Variants in KSR2 observed in about 807,000 individuals in gnomAD.
KSR2 encodes the protein kinase suppressor of ras 2.
A neutral mutation model predicts 107.8 loss-of-function variants in KSR2; 25 were observed. The observed-to-expected ratio is 0.23, with a 90% CI of 0.17 to 0.32. The LOEUF (loss-of-function observed/expected upper bound fraction) is 0.32. Among genes scored for constraint, KSR2 ranks in the 10% least tolerant of loss-of-function variants. The pLI is 1.00. For missense variants in KSR2, 887 were observed against 1,268.9 expected, an observed-to-expected ratio of 0.70 and a Z score of 4.57; for synonymous variants, 480 against 507.0, an observed-to-expected ratio of 0.95 and a Z score of 0.71.
intron 1 of KSR2, among the ~76,000 whole-genome samples, chr12:117,911,321 G>C (rs186203888): frequency 3.3e-5 from 5 of 152,182 alleles, no homozygotes; most frequent in Non-Finnish European, 5.9e-5. Context: ...TACTTAGTTT[G>C]GTTTGGCTTC....
intron 4 of KSR2, among the ~76,000 whole-genome samples, chr12:117,748,499 C>G (rs1047080685): frequency 2.6e-5 from 4 of 152,110 alleles, no homozygotes; most frequent in African/African-American, 9.7e-5. Context: ...GTTAATTAGC[C>G]TGACTTAAAT....
chr12:117,881,648 CATTTTACAAATGAGG>C (rs548709838), intron 1 of KSR2, among the ~76,000 whole-genome samples: 221 of 152,348 alleles, frequency 1.5e-3, no homozygotes, highest in African/African-American at 5.2e-3. Flanking sequence ...ACATTATCCT[CATTTTACAAATGAGG>C]AAATGGAGGT....
chr12:117,882,008 A>G (rs1387706627), intron 1 of KSR2, among the ~76,000 whole-genome samples: 1 of 152,206 alleles, frequency 6.6e-6, no homozygotes, highest in Non-Finnish European at 1.5e-5. Context: ...AAAAGGATAT[A>G]CATTTCCCTG....
intron 5 of KSR2, among the ~76,000 whole-genome samples, chr12:117,619,113 T>C (rs1268234636): frequency 6.6e-6 from 1 of 152,042 alleles, no homozygotes; most frequent in African/African-American, 2.4e-5. Flanking sequence ...ATTACTACAA[T>C]GCTGTCTGCT....
intron 5 of KSR2, among the ~76,000 whole-genome samples, chr12:117,643,100 G>T (rs1883456051): frequency 6.6e-6 from 1 of 152,086 alleles, no homozygotes. Flanking sequence ...TAATAAATAG[G>T]GGACTACCTA....
intron 16 of KSR2, among the ~76,000 whole-genome samples, chr12:117,483,355 G>T (rs973298384): frequency 6.6e-6 from 1 of 151,506 alleles, no homozygotes; most frequent in African/African-American, 2.4e-5. Context: ...CCGGGTTCCT[G>T]GGGCATTCCT....
At chr12:117,506,519 A>C (rs1873689270) in intron 14 of KSR2, among the ~76,000 whole-genome samples, 1 of 152,212 alleles carries the variant, frequency 6.6e-6, no homozygotes, top group Non-Finnish European at 1.5e-5. Context: ...AGATTGAGAA[A>C]TAAAATCCCC....
At chr12:117,920,972 C>T (rs578220202) in intron 1 of KSR2, among the ~76,000 whole-genome samples, 1 of 152,238 alleles carries the variant, frequency 6.6e-6, no homozygotes, top group South Asian at 2.1e-4. Context: ...TATCTGCATA[C>T]GGTTCTTAGT....
chr12:117,464,201 T>C lies in KSR2; in HGVS notation c.*2998A>G, dbSNP rs533885020. ...AATTTATGTGCAAATCCACATGCCC[T>C]TTAAAGAAAGCTGAGATGTTTCTCT... On this transcript the variant is annotated 3_prime_UTR_variant, in exon 20 of 20. Coordinates refer to ENST00000339824, the MANE Select transcript of KSR2 (RefSeq NM_173598.6). The C allele has an allele frequency of 6.6e-6, 1 of 152,228 alleles. No individual in the cohort carries two copies. The highest frequency in any genetic ancestry group is 1.5e-5 in the Non-Finnish European group (1 of 68,052). 9.4% of individuals were successfully genotyped at this position (152,228 alleles called of 1,614,324 possible).
At chr12:117,852,511 C>T (rs535313976) in intron 3 of KSR2, among the ~76,000 whole-genome samples, 16 of 152,138 alleles carry the variant, frequency 1.1e-4, no homozygotes, top group African/African-American at 3.9e-4. Context: ...AAAAAAATGA[C>T]TATTCTTCCC....
At chr12:117,665,132 CT>C (rs1458011526) in intron 5 of KSR2, among the ~76,000 whole-genome samples, 1 of 152,076 alleles carries the variant, frequency 6.6e-6, no homozygotes, top group East Asian at 1.9e-4. Flanking sequence ...CAGAGAGCAA[CT>C]TTTTTGAAGA....
At chr12:117,556,617 CCTT>C (rs1877713842) in intron 8 of KSR2, among the ~76,000 whole-genome samples, 1 of 152,108 alleles carries the variant, frequency 6.6e-6, no homozygotes, top group Non-Finnish European at 1.5e-5. Flanking sequence ...CAGTCTGCCT[CCTT>C]CTTTAAGTTT....
chr12:117,770,419 C>G (rs954740674), intron 3 of KSR2, among the ~76,000 whole-genome samples: 3 of 152,092 alleles, frequency 2.0e-5, no homozygotes, highest in African/African-American at 7.2e-5. Flanking sequence ...CTCCCAGAGC[C>G]TTTGGAGGCA....
intron 3 of KSR2, among the ~76,000 whole-genome samples, chr12:117,765,565 T>C (rs76933682): frequency 0.025 from 3,868 of 152,260 alleles, 183 homozygotes; most frequent in African/African-American, 0.087. Context: ...CCAGGCACTG[T>C]TGTGGACACC....
At chr12:117,792,342 A>G (rs1275724834) in intron 3 of KSR2, among the ~76,000 whole-genome samples, 1 of 150,234 alleles carries the variant, frequency 6.7e-6, no homozygotes, top group Non-Finnish European at 1.5e-5. Context: ...AGAGTGAGAC[A>G]CTGTCTTTAA....
At chr12:117,574,011 G>T (rs1028053183) in intron 7 of KSR2, among the ~76,000 whole-genome samples, 1 of 152,100 alleles carries the variant, frequency 6.6e-6, no homozygotes, top group Admixed American at 6.6e-5. Flanking sequence ...ATGTCCCGCT[G>T]GGCAATAAAG....
At chr12:117,725,412 G>A (rs1887386481) in intron 4 of KSR2, among the ~76,000 whole-genome samples, 1 of 152,144 alleles carries the variant, frequency 6.6e-6, no homozygotes, top group African/African-American at 2.4e-5. Context: ...ATTTGATGAA[G>A]ATATCAAGTC....
At chr12:117,703,701 G>C (rs1453397164) in intron 4 of KSR2, among the ~76,000 whole-genome samples, 3 of 152,162 alleles carry the variant, frequency 2.0e-5, no homozygotes, top group Admixed American at 6.6e-5. Context: ...TCCTCCCAGA[G>C]AGCAGGATTA....
chr12:117,477,817 C>A (rs1294624245), intron 16 of KSR2, among the ~76,000 whole-genome samples: 1 of 152,218 alleles, frequency 6.6e-6, no homozygotes, highest in Non-Finnish European at 1.5e-5. Flanking sequence ...GCGGGTGGTT[C>A]CCTCTTCCGC....
Sources: gnomAD v4.1 joint callset for allele counts (sites outside exome capture counted in the v4.1 genomes callset) on GRCh38, gnomAD v4.1.1 for gene constraint, MANE v1.5 for transcripts, NCBI Gene and HGNC (gene_info 2026-07-23, HGNC 2026-07-21) for gene names.